YTHDC2: variants seen among roughly 807,000 people sequenced by gnomAD.
The protein encoded by YTHDC2 is YTH N6-methyladenosine RNA binding protein C2, also known as 3'-5' RNA helicase YTHDC2.
YTHDC2 carries 45 observed loss-of-function variants against 174.9 expected under a neutral mutation model. That is an observed-to-expected ratio of 0.26 (90% CI 0.20 to 0.33). YTHDC2 has a LOEUF of 0.33. YTHDC2 is among the 10% of genes least tolerant of loss of function. The probability of loss-of-function intolerance (pLI) is 1.00; values close to 1 mark genes in which losing one functional copy is unlikely to be tolerated. For synonymous variants in YTHDC2, 657 were observed against 574.5 expected (o/e 1.14, Z -2.05); for missense variants, 1,650 against 1,723.7 (o/e 0.96, Z 0.76).
At position 113,521,198 on chromosome 5, in the gene YTHDC2, A is replaced by G. The variant is rs1773838965; in HGVS notation, c.279-3783A>G. Among the ~76,000 whole-genome samples, 5 of 152,222 alleles carry G rather than the reference A, an allele frequency of 3.3e-5. No individual in the cohort carries two copies. In the South Asian group the frequency reaches 8.3e-4, roughly 25 times the overall value. ...TAACAAGTTTTATAAGGCAGAGTCT[A>G]TTTTAACACCTGGCACCTATATAAC... On this transcript the variant is annotated intron_variant, in intron 2 of 29. Transcript: ENST00000161863.
intron 10 of YTHDC2, among the ~76,000 whole-genome samples, chr5:113,544,267 G>T (rs1775695160): frequency 6.6e-6 from 1 of 152,118 alleles, no homozygotes; most frequent in Non-Finnish European, 1.5e-5. Context: ...TTCTGGCTCA[G>T]CCTCCTGAGT....
At chr5:113,562,785 C>T (rs1209339601) in intron 18 of YTHDC2, among the ~76,000 whole-genome samples, 1 of 152,186 alleles carries the variant, frequency 6.6e-6, no homozygotes, top group Non-Finnish European at 1.5e-5. Context: ...CCCATGGTCT[C>T]CCTCTCCCAC....
intron 18 of YTHDC2, 28 bp downstream of exon 18, chr5:113,561,213 A>T: frequency 1.3e-6 from 2 of 1,586,190 alleles, no homozygotes; most frequent in South Asian, 2.3e-5. Context: ...TATAAAAGGC[A>T]TTTTTTTGGG....
At chr5:113,569,578 C>G (rs143992855) in intron 23 of YTHDC2, among the ~76,000 whole-genome samples, 4 of 152,206 alleles carry the variant, frequency 2.6e-5, no homozygotes, top group Middle Eastern at 3.2e-3. Context: ...CCAGTTCTTT[C>G]AGCACCATTT....
chr5:113,533,313 C>T (rs1255983366), intron 5 of YTHDC2, among the ~76,000 whole-genome samples: 2 of 151,630 alleles, frequency 1.3e-5, no homozygotes, highest in Non-Finnish European at 1.5e-5. Context: ...GAGGCCGAGG[C>T]GGGTGGATCA....
intron 26 of YTHDC2, among the ~76,000 whole-genome samples, chr5:113,588,779 T>G (rs1265634983): frequency 6.6e-6 from 1 of 151,724 alleles, no homozygotes; most frequent in African/African-American, 2.4e-5. Context: ...TGTGCCACCA[T>G]GCCTGGCTAA....
At chr5:113,560,989 C>G (rs1339828958) in intron 17 of YTHDC2, 91 bp from the exon 18 acceptor site, 2 of 1,070,078 alleles carry the variant, frequency 1.9e-6, no homozygotes, top group Non-Finnish European at 2.6e-6. Flanking sequence ...GATCCTGGAT[C>G]ATTTTTCTCT....
At chr5:113,533,758 C>T (rs1159528117) in intron 5 of YTHDC2, among the ~76,000 whole-genome samples, 1 of 151,986 alleles carries the variant, frequency 6.6e-6, no homozygotes, top group African/African-American at 2.4e-5. Flanking sequence ...AATCTGAAAT[C>T]CAAGATGCTA....
chr5:113,543,371 A>G (rs2112628599), intron 10 of YTHDC2, among the ~76,000 whole-genome samples: 1 of 152,340 alleles, frequency 6.6e-6, no homozygotes, highest in Non-Finnish European at 1.5e-5. Flanking sequence ...GTCTGCTGTC[A>G]TATTGCACAT....
intron 23 of YTHDC2, among the ~76,000 whole-genome samples, chr5:113,571,344 G>C (rs767793895): frequency 1.3e-5 from 2 of 152,164 alleles, no homozygotes; most frequent in African/African-American, 2.4e-5. Flanking sequence ...GATTGTGGTG[G>C]ACAAGCATTT....
intron 12 of YTHDC2, among the ~76,000 whole-genome samples, chr5:113,549,572 A>G (rs1776111191): frequency 6.6e-6 from 1 of 152,152 alleles, no homozygotes; most frequent in Admixed American, 6.5e-5. Flanking sequence ...ATAATAAAAG[A>G]TATTGCATTC....
In YTHDC2 at chr5:113,521,832, A is replaced by G. The variant is rs1331458961; in HGVS notation, c.279-3149A>G. On this transcript the variant is annotated intron_variant, in intron 2 of 29. Transcript: ENST00000161863. ...CAAGACTCTGTCTCAAAAAAAAAAA[A>G]AAAAAGAAAAACCCAGAAAAATAAA... Among the ~76,000 whole-genome samples, 4 of 151,612 alleles carry G rather than the reference A, an allele frequency of 2.6e-5. No individual in the cohort carries two copies. The East Asian group carries it at 5.8e-4, about 22-fold the overall frequency.
At chr5:113,592,663 A>G (rs1398692218) in intron 28 of YTHDC2, 1 of 152,672 alleles carries the variant, frequency 6.5e-6, no homozygotes, top group Admixed American at 6.5e-5. Flanking sequence ...TCACACAGCT[A>G]ATAATTTATC....
At chr5:113,515,854 T>G (rs1773385334) in intron 2 of YTHDC2, among the ~76,000 whole-genome samples, 1 of 152,202 alleles carries the variant, frequency 6.6e-6, no homozygotes, top group African/African-American at 2.4e-5. Context: ...GTGGGGAAAC[T>G]AATGGAAGAT....
intron 26 of YTHDC2, among the ~76,000 whole-genome samples, chr5:113,586,869 C>CTATA (rs1337404973): frequency 2.9e-5 from 4 of 136,620 alleles, no homozygotes; most frequent in Non-Finnish European, 6.2e-5. Flanking sequence ...CTCTCTCTCT[C>CTATA]TCTCTATATA....
chr5:113,560,075 G>T (rs1776857998), intron 17 of YTHDC2, among the ~76,000 whole-genome samples: 1 of 152,340 alleles, frequency 6.6e-6, no homozygotes, highest in Admixed American at 6.5e-5. Context: ...CTCCACCACA[G>T]CAATGCTCCT....
chr5:113,577,596 C>T (rs1042862126), intron 23 of YTHDC2, among the ~76,000 whole-genome samples: 3 of 152,154 alleles, frequency 2.0e-5, no homozygotes, highest in African/African-American at 7.2e-5. Flanking sequence ...TCTCAAACTT[C>T]TGTGCTCTTA....
At chr5:113,522,212 A>C (rs921330888) in intron 2 of YTHDC2, among the ~76,000 whole-genome samples, 2 of 149,102 alleles carry the variant, frequency 1.3e-5, no homozygotes, top group African/African-American at 4.9e-5. Flanking sequence ...CTTTTTAAGC[A>C]GTCATTTGAG....
At chr5:113,533,150 T>G in intron 5 of YTHDC2, 105 bp downstream of exon 5, 1 of 1,331,062 alleles carries the variant, frequency 7.5e-7, no homozygotes. Context: ...AGGTGATCAT[T>G]TTGCTCCAAG....
Sources: allele counts gnomAD v4.1 joint callset (sites outside exome capture counted in the v4.1 genomes callset), GRCh38; gene constraint gnomAD v4.1.1; transcripts MANE v1.5; gene names NCBI Gene and HGNC (gene_info 2026-07-23, HGNC 2026-07-21).